PANK4: variants seen among roughly 807,000 people sequenced by gnomAD.
PANK4 encodes 4'-phosphopantetheine phosphatase.
Under a neutral mutation model 87.9 loss-of-function variants are expected in PANK4, and 40 were observed. The ratio of observed to expected loss-of-function variants is 0.46; its 90% CI spans 0.35 to 0.59. The LOEUF is 0.59. Ranked by LOEUF, PANK4 falls within the 20% of genes least tolerant of loss-of-function variation. The pLI, the probability that PANK4 is intolerant of heterozygous loss-of-function variation, is 0.00. For missense variants in PANK4, 926 were observed against 1,072.3 expected, an observed-to-expected ratio of 0.86 and a Z score of 1.90; for synonymous variants, 524 against 467.4, an observed-to-expected ratio of 1.12 and a Z score of -1.56.
chr1:2,509,708 T>A lies in PANK4; in HGVS notation c.2108+154A>T. The A allele has an allele frequency of 1.5e-6, 1 of 671,802 alleles. No homozygotes were observed. The highest frequency in any genetic ancestry group is 2.7e-6 in the Non-Finnish European group (1 of 375,030). The allele number at this position is 671,802 out of a possible 1,614,324, so 41.6% of individuals were successfully genotyped here. ...CCAGGCCACCTTCGGGGATGGCATA[T>A]CTGTCCCCTCCTGAGATCAATCCGG... On this transcript the variant is annotated intron_variant, in intron 18 of 18. Transcript: ENST00000378466. The surrounding 1 kb of genome is among the most constrained non-coding windows in gnomAD (Gnocchi z 4.9).
chr1:2,519,369 T>C lies in PANK4; in HGVS notation c.854-45A>G, dbSNP rs372412481. The C allele has an allele frequency of 2.1e-4, 269 of 1,308,148 alleles. 1 individual carries two copies. Among genetic ancestry groups the C allele is most frequent in the Middle Eastern group, 1.4e-3 (7 of 4,868 alleles). 81.0% of individuals were successfully genotyped at this position (1,308,148 alleles called of 1,614,324 possible). A position where few individuals can be genotyped will look rare whatever the true frequency, so the allele number is the denominator to read the frequency against. ...GGCACTCATCTCCAAGTACAGCAAG[T>C]GCACGACATGAGAGCGAGCAGGAGG... On this transcript the variant is annotated intron_variant, in intron 6 of 18. Coordinates refer to ENST00000378466, the MANE Select transcript of PANK4 (RefSeq NM_018216.4). The surrounding 1 kb of genome is among the most constrained non-coding windows in gnomAD (Gnocchi z 8.3).
intron 8 of PANK4, 100 bp from the exon 9 acceptor site, chr1:2,518,364 T>C (rs1643822945): frequency 2.0e-6 from 2 of 1,006,584 alleles, no homozygotes; most frequent in South Asian, 1.4e-5. Context: ...ATTAACTAAA[T>C]TGTTAAAATG....
intron 1 of PANK4, among the ~76,000 whole-genome samples, chr1:2,522,658 AG>A (rs1643884416): frequency 6.8e-6 from 1 of 146,160 alleles, no homozygotes; most frequent in Admixed American, 7.0e-5. Flanking sequence ...AAATAGAAAA[AG>A]AAACAAAATG....
Position 2,509,426 on chromosome 1 carries a change from C to A in PANK4, c.2109-366G>T, listed in dbSNP as rs575650146. Among the ~76,000 whole-genome samples the A allele has an allele frequency of 6.6e-6, 1 of 152,164 alleles. No homozygotes were observed. The highest frequency in any genetic ancestry group is 2.4e-5 in the African/African-American group (1 of 41,418). ...ACCAGCGGCCCCAGCACTCAGAACC[C>A]GCTCATTTAAGGGGTTCCTTCCTCC... On this transcript the variant is annotated intron_variant, in intron 18 of 18. Transcript: ENST00000378466. This position sits in a 1 kb window ranked among gnomAD's most constrained non-coding sequence, Gnocchi z 4.9.
In PANK4 at chr1:2,520,260, TC is replaced by T. The variant is rs2100790024; in HGVS notation, c.699+61del. On this transcript the variant is annotated intron_variant, in intron 5 of 18. Transcript: ENST00000378466. This position sits in a 1 kb window ranked among gnomAD's most constrained non-coding sequence, Gnocchi z 6.2. ...TTTTGCACCGCCCAGCTGCAGGCCT[TC>T]GGGGGAAGGAAGCAGACATCTCCGC... 2.0e-6 allele frequency: 3 copies of T among 1,500,732 alleles called. No homozygotes were observed. The highest frequency in any genetic ancestry group is 1.1e-5 in the South Asian group (1 of 88,686). 93.0% of individuals were successfully genotyped at this position (1,500,732 alleles called of 1,614,324 possible).
chr1:2,513,918 G>T (rs1190112952), intron 12 of PANK4, 84 bp downstream of exon 12: 1 of 1,037,602 alleles, frequency 9.6e-7, no homozygotes. Flanking sequence ...AGGATGCCCC[G>T]AGCCAGCGGG....
chr1:2,511,209 G>A lies in PANK4; in HGVS notation c.1833+129C>T, dbSNP rs949070747. 39 of 698,480 alleles carry A rather than the reference G, an allele frequency of 5.6e-5. No homozygotes were observed. In the East Asian group the frequency reaches 6.2e-4, roughly 11 times the overall value. 43.3% of individuals were successfully genotyped at this position (698,480 alleles called of 1,614,324 possible). On this transcript the variant is annotated intron_variant, in intron 15 of 18. Coordinates refer to ENST00000378466, the MANE Select transcript of PANK4 (RefSeq NM_018216.4). ...CAGGGGATGCTGAGACCCTTGGCTC[G>A]CAGGATGGTGAGACTCTAACAGGAG...
chr1:2,514,962 C>T (rs1643740834), intron 10 of PANK4, among the ~76,000 whole-genome samples: 1 of 152,124 alleles, frequency 6.6e-6, no homozygotes, highest in Non-Finnish European at 1.5e-5. Flanking sequence ...TCAGAGCTCA[C>T]TCCGGGTCCT....
chr1:2,515,461 T>C lies in PANK4; in HGVS notation c.1374+101A>G, dbSNP rs1643752816. The C allele has an allele frequency of 9.2e-6, 12 of 1,305,478 alleles. No homozygotes were observed. Among genetic ancestry groups the C allele is most frequent in the Non-Finnish European group, 1.3e-5 (12 of 907,226 alleles). 80.9% of individuals were successfully genotyped at this position (1,305,478 alleles called of 1,614,324 possible). On this transcript the variant is annotated intron_variant, in intron 10 of 18. Coordinates refer to ENST00000378466, the MANE Select transcript of PANK4 (RefSeq NM_018216.4). The surrounding 1 kb of genome is among the most constrained non-coding windows in gnomAD (Gnocchi z 5.0). ...AGATCAAGGGGTTTCTGGACAACACTGGCCTGTCCCCCTTCGCCACCTTGG... is the reference window on the plus strand; with the variant it reads ...AGATCAAGGGGTTTCTGGACAACACCGGCCTGTCCCCCTTCGCCACCTTGG...
At position 2,519,355 on chromosome 1, in the gene PANK4, C is replaced by A; in HGVS notation, c.854-31G>T. 2 of 1,553,564 alleles carry A rather than the reference C, an allele frequency of 1.3e-6. No homozygotes were observed. The highest frequency in any genetic ancestry group is 1.1e-5 in the South Asian group (1 of 87,428). ...GAAGGGAAGGAAAAGGCACTCATCTCCAAGTACAGCAAGTGCACGACATGA... is the reference window on the plus strand; with the variant it reads ...GAAGGGAAGGAAAAGGCACTCATCTACAAGTACAGCAAGTGCACGACATGA... On this transcript the variant is annotated intron_variant, in intron 6 of 18. Transcript: ENST00000378466. This position sits in a 1 kb window ranked among gnomAD's most constrained non-coding sequence, Gnocchi z 8.3.
At chr1:2,521,859 G>T in intron 1 of PANK4, 59 bp from the exon 2 acceptor site, 2 of 1,302,318 alleles carry the variant, frequency 1.5e-6, no homozygotes, top group Non-Finnish European at 1.1e-6. Context: ...GGGCCTGGGG[G>T]TCCATGCCCC....
chr1:2,520,090 G>A lies in PANK4; in HGVS notation c.700-136C>T, dbSNP rs1187823084. On this transcript the variant is annotated intron_variant, in intron 5 of 18. Coordinates refer to ENST00000378466, the MANE Select transcript of PANK4 (RefSeq NM_018216.4). The surrounding 1 kb of genome is among the most constrained non-coding windows in gnomAD (Gnocchi z 6.2). ...CCCTCATCGCGTGGGACCAAAGGCA[G>A]GAGGCGGCAAGCGGGACCCTCGGGC... The A allele has an allele frequency of 2.4e-5, 22 of 922,252 alleles. No individual in the cohort carries two copies. 57.1% of individuals were successfully genotyped at this position (922,252 alleles called of 1,614,324 possible). A position where few individuals can be genotyped will look rare whatever the true frequency, so the allele number is the denominator to read the frequency against.
chr1:2,514,074 C>T lies in PANK4; in HGVS notation c.1503G>A (p.Leu501=), dbSNP rs761361547. 6.2e-7 allele frequency: 1 copy of T among 1,612,592 alleles called. No homozygotes were observed. Among genetic ancestry groups the T allele is most frequent in the East Asian group, 2.2e-5 (1 of 44,872 alleles). The change falls in exon 12 of 19, where the codon CTG becomes CTA. Residue 501 remains leucine (L), a synonymous_variant. Transcript: ENST00000378466. ...TGGTGTCCAGCAGGCTGCGCACGGT[C>T]AGGGTCCCATAGGCGCTGGGGACAG... ...LRQQPFAYGT[L]TVRSLLDTRE...
rs144295387 is a variant in PANK4 at position 2,520,980 on chromosome 1, G to A, written c.423-74C>T. On this transcript the variant is annotated intron_variant, in intron 3 of 18. Coordinates refer to ENST00000378466, the MANE Select transcript of PANK4 (RefSeq NM_018216.4). The surrounding 1 kb of genome is among the most constrained non-coding windows in gnomAD (Gnocchi z 6.2). ...GCAACCATGCAAGCCTGCCTGGTCCGAAGGGGCAGCCATGCCCCATGCGCA... is the reference window on the plus strand; with the variant it reads ...GCAACCATGCAAGCCTGCCTGGTCCAAAGGGGCAGCCATGCCCCATGCGCA... 9,464 of 1,523,682 alleles carry A rather than the reference G, an allele frequency of 6.2e-3. 41 individuals carry two copies. Among genetic ancestry groups the A allele is most frequent in the Non-Finnish European group, 7.6e-3 (8,543 of 1,120,576 alleles). The allele number at this position is 1,523,682 out of a possible 1,614,324, so 94.4% of individuals were successfully genotyped here. A position where few individuals can be genotyped will look rare whatever the true frequency, so the allele number is the denominator to read the frequency against.
In PANK4 at chr1:2,526,383, CCCGCCGCCCCCGCTCGCCGGCCCACCG is replaced by C. The variant is rs1256137950; in HGVS notation, c.124+54_124+80del. 1.0e-5 allele frequency: 8 copies of C among 769,840 alleles called. 1 individual carries two copies. Among genetic ancestry groups the C allele is most frequent in the African/African-American group, 3.8e-5 (2 of 52,628 alleles). 47.7% of individuals were successfully genotyped at this position (769,840 alleles called of 1,614,324 possible). A position where few individuals can be genotyped will look rare whatever the true frequency, so the allele number is the denominator to read the frequency against. On this transcript the variant is annotated intron_variant, in intron 1 of 18. Coordinates refer to ENST00000378466, the MANE Select transcript of PANK4 (RefSeq NM_018216.4). ...GCCCGCGCCCCCGCCCTTCGTCCTTCCCGCCGCCCCCGCTCGCCGGCCCACCGCCGGCGCCCCGCCCGCCCCCGCAGC... is the reference window on the plus strand; with the variant it reads ...GCCCGCGCCCCCGCCCTTCGTCCTTCCCGGCGCCCCGCCCGCCCCCGCAGC...
Position 2,518,249 on chromosome 1 carries a change from C to G in PANK4, c.1133G>C (p.Ser378Thr). Residue 378 changes from serine (S) to threonine (T), a missense_variant, in exon 9 of 19, where the codon AGC becomes ACC. Ser to Thr is a moderately conservative substitution (Grantham distance 58). Coordinates refer to ENST00000378466, the MANE Select transcript of PANK4 (RefSeq NM_018216.4). ...GCTGCCTGCATAGTTCTCTCCCCAG[C>G]TGTACTGGTTAGGATCTGGAAAGCA... ...GAEQDNPNQY[S>T]WGENYAGSSG... 3 of 1,611,556 alleles carry G rather than the reference C, an allele frequency of 1.9e-6. No individual in the cohort carries two copies. The highest frequency in any genetic ancestry group is 2.5e-6 in the Non-Finnish European group (3 of 1,179,162).
rs764956348 is a variant in PANK4 at position 2,520,055 on chromosome 1, G to C, written c.700-101C>G. 5 of 1,160,098 alleles carry C rather than the reference G, an allele frequency of 4.3e-6. No individual in the cohort carries two copies. Among genetic ancestry groups the C allele is most frequent in the Non-Finnish European group, 6.0e-6 (5 of 834,958 alleles). The allele number at this position is 1,160,098 out of a possible 1,614,324, so 71.9% of individuals were successfully genotyped here. On this transcript the variant is annotated intron_variant, in intron 5 of 18. Coordinates refer to ENST00000378466, the MANE Select transcript of PANK4 (RefSeq NM_018216.4). This position sits in a 1 kb window ranked among gnomAD's most constrained non-coding sequence, Gnocchi z 6.2. ...TGGCAGGAGGCACGCGCGGGCAGGG[G>C]GTAAATGGGCCCTCATCGCGTGGGA...
rs752327669 is a variant in PANK4, at chr1:2,512,911, G to T, written c.1704C>A (p.Asp568Glu). ...ACGCAGACACGGCTTTGGCCCCCCA[G>T]TCGAAGACATTCCCCGCCAGGAGGC... ...VKGLLAGNVF[D>E]WGAKAVSAVL... Residue 568 changes from aspartate (D) to glutamate (E), a missense_variant, in exon 13 of 19, where the codon GAC becomes GAA. By Grantham distance (45) the Asp-to-Glu change is conservative (BLOSUM62 2). Transcript: ENST00000378466. 1 of 1,612,828 alleles carries T rather than the reference G, an allele frequency of 6.2e-7. No homozygotes were observed. Among genetic ancestry groups the T allele is most frequent in the South Asian group, 1.1e-5 (1 of 91,082 alleles).
At chr1:2,511,143 G>T (rs1643653693) in intron 15 of PANK4, among the ~76,000 whole-genome samples, 195 bp downstream of exon 15, 1 of 152,218 alleles carries the variant, frequency 6.6e-6, no homozygotes, top group South Asian at 2.1e-4. Context: ...CCTAGAGCAG[G>T]TGACCTAAGA....
Sources: allele counts gnomAD v4.1 joint callset (sites outside exome capture counted in the v4.1 genomes callset), GRCh38; gene constraint gnomAD v4.1.1; non-coding constraint Gnocchi (gnomAD v3.1); transcripts MANE v1.5; gene names NCBI Gene and HGNC (gene_info 2026-07-23, HGNC 2026-07-21).